The following TERF1 variants were observed in gnomAD, a reference collection of about 807,000 sequenced individuals.
The protein encoded by TERF1 is telomeric repeat binding factor 1.
In TERF1, 20 loss-of-function variants were observed where a neutral mutation model predicts 55.1. The ratio of observed to expected loss-of-function variants is 0.36; its 90% CI spans 0.26 to 0.53. TERF1 has a LOEUF of 0.53. Ranked by LOEUF, TERF1 falls within the 20% of genes least tolerant of loss-of-function variation. TERF1 has a pLI of 0.91. For missense variants in TERF1, 439 were observed against 535.7 expected (o/e 0.82, Z 1.78); for synonymous variants, 168 against 181.2 (o/e 0.93, Z 0.59).
At chr8:73,033,598 G>A (rs1348900246) in intron 8 of TERF1, among the ~76,000 whole-genome samples, 1 of 152,126 alleles carries the variant, frequency 6.6e-6, no homozygotes, top group Non-Finnish European at 1.5e-5. Context: ...GCCAGGCATG[G>A]TGGTGCCTGC....
At chr8:73,037,238 ATATAAT>A (rs1474272611) in intron 8 of TERF1, among the ~76,000 whole-genome samples, 1 of 136,792 alleles carries the variant, frequency 7.3e-6, no homozygotes, top group African/African-American at 2.7e-5. Flanking sequence ...AATAATTTAT[ATATAAT>A]TATAAAGCTT....
intron 2 of TERF1, among the ~76,000 whole-genome samples, chr8:73,014,719 C>A (rs750207111): frequency 6.6e-6 from 1 of 152,188 alleles, no homozygotes; most frequent in African/African-American, 2.4e-5. Flanking sequence ...CATAAAACTG[C>A]TTGCTTATTG....
chr8:73,039,267 A>G (rs1424080718), intron 9 of TERF1, 48 bp downstream of exon 9: 5 of 1,273,482 alleles, frequency 3.9e-6, no homozygotes, highest in Admixed American at 5.0e-5. Context: ...CATTAAAGTT[A>G]TAACTTGAAT....
chr8:73,034,201 G>A (rs1008666592), intron 8 of TERF1, among the ~76,000 whole-genome samples: 8 of 152,062 alleles, frequency 5.3e-5, no homozygotes, highest in Non-Finnish European at 1.0e-4. Flanking sequence ...GATCAATCTC[G>A]GCTCACTGCA....
chr8:73,042,118 A>T (rs965821749), intron 9 of TERF1, among the ~76,000 whole-genome samples: 7 of 152,108 alleles, frequency 4.6e-5, no homozygotes, highest in Non-Finnish European at 1.0e-4. Context: ...GACTGTAGTG[A>T]TGATTTCCAA....
intron 9 of TERF1, 44 bp from the exon 10 acceptor site, chr8:73,045,917 G>T: frequency 5.0e-6 from 7 of 1,407,378 alleles, no homozygotes; most frequent in East Asian, 2.6e-5. Context: ...TTTTCTTTTT[G>T]AATAATTGTT....
intron 9 of TERF1, among the ~76,000 whole-genome samples, chr8:73,041,493 T>C (rs1167947879): frequency 1.3e-5 from 2 of 152,136 alleles, no homozygotes; most frequent in Non-Finnish European, 2.9e-5. Context: ...GGCTGTGACC[T>C]TCATAAGTGC....
At chr8:73,020,401 C>G (rs1477120961) in intron 2 of TERF1, among the ~76,000 whole-genome samples, 1 of 152,114 alleles carries the variant, frequency 6.6e-6, no homozygotes, top group East Asian at 1.9e-4. Context: ...AATTCTGTTG[C>G]TATGACATGT....
Position 73,032,131 on chromosome 8 carries a change from AAAGT to A in TERF1, c.1038_1039+2del. 3 of 1,607,126 alleles carry A rather than the reference AAAGT, an allele frequency of 1.9e-6. No individual in the cohort carries two copies. Among genetic ancestry groups the A allele is most frequent in the Non-Finnish European group, 2.6e-6 (3 of 1,175,962 alleles). Reference sequence around the variant, plus strand: ...AAAGAAAGAAGAGTAGGAACTCCTCAAAGTGAGTACTGTTATAACAGTTTTAGAA... The same window carrying A: ...AAAGAAAGAAGAGTAGGAACTCCTCAGAGTACTGTTATAACAGTTTTAGAA... On this transcript the variant is annotated splice_donor_variant and coding_sequence_variant, in exon 8 of 10. Transcript: ENST00000276603. LOFTEE classifies it high-confidence loss of function.
intron 8 of TERF1, among the ~76,000 whole-genome samples, chr8:73,037,417 A>AT (rs1159335696): frequency 1.7e-5 from 2 of 114,638 alleles, no homozygotes; most frequent in Non-Finnish European, 3.4e-5. Context: ...ATACATATAA[A>AT]TTTTTATATA....
chr8:73,014,057 G>GA, intron 2 of TERF1, 67 bp downstream of exon 2: 1 of 1,357,228 alleles, frequency 7.4e-7, no homozygotes, highest in Non-Finnish European at 1.0e-6. Flanking sequence ...ACAATGGGAA[G>GA]AAACAGACGT....
chr8:73,037,701 AT>A (rs1809616077), intron 8 of TERF1, among the ~76,000 whole-genome samples: 1 of 15,704 alleles, frequency 6.4e-5, no homozygotes, highest in Non-Finnish European at 1.8e-4. Context: ...ATATAGTATA[AT>A]ATTATATTAT....
At chr8:73,037,864 GATATATAATATATATAA>G (rs1809658730) in intron 8 of TERF1, among the ~76,000 whole-genome samples, 1 of 96,434 alleles carries the variant, frequency 1.0e-5, no homozygotes. Context: ...ATATAAATAT[GATATATAATATATATAA>G]ATATGATATA....
intron 2 of TERF1, among the ~76,000 whole-genome samples, chr8:73,015,657 G>A (rs538843977): frequency 2.0e-5 from 3 of 151,088 alleles, no homozygotes; most frequent in Admixed American, 6.6e-5. Context: ...CTAACGTGGT[G>A]AAACCCCGTC....
In TERF1 at chr8:73,031,588, C is replaced by G. The variant is rs144566421; in HGVS notation, c.948-454C>G. 1,198 of 152,388 alleles carry G rather than the reference C, an allele frequency of 7.9e-3. 8 individuals are homozygous for G. Among genetic ancestry groups the G allele is most frequent in the Non-Finnish European group, 0.011 (725 of 68,138 alleles). 9.4% of individuals were successfully genotyped at this position (152,388 alleles called of 1,614,324 possible). On this transcript the variant is annotated intron_variant, in intron 7 of 9. Transcript: ENST00000276603. ...TGCCACATCCTGTGTTTCCAAACAG[C>G]CTTACCTTTCAAAACTCTTTTTGGA...
In TERF1 at chr8:73,013,949, T is replaced by C. The variant is rs1486407144; in HGVS notation, c.374T>C (p.Ile125Thr). The C allele has an allele frequency of 6.2e-7, 1 of 1,611,430 alleles. No individual in the cohort carries two copies. Among genetic ancestry groups the C allele is most frequent in the South Asian group, 1.1e-5 (1 of 90,808 alleles). ...GCTTGCCAGTTGAGAACGATATACA[T>C]ATGTCAGTTTTTGACAAGAATTGCA... ...LTACQLRTIY[I>T]CQFLTRIAAG... is the part of the protein sequence containing the mutation. Residue 125 changes from isoleucine to threonine, a missense_variant, in exon 2 of 10, where the codon ATA becomes ACA. Ile to Thr is a moderately conservative substitution (Grantham distance 89). Around this residue, in one of 4 missense-constraint regions of TERF1, gnomAD observed 95 missense variants for 167.2 expected, o/e 0.57. Transcript: ENST00000276603.
intron 8 of TERF1, among the ~76,000 whole-genome samples, chr8:73,037,841 TA>T (rs1809653433): frequency 9.3e-6 from 1 of 108,028 alleles, no homozygotes; most frequent in Non-Finnish European, 1.7e-5. Context: ...TAATAATATA[TA>T]TAATATATAA....
intron 1 of TERF1, chr8:73,010,789 C>CT (rs1248583727): frequency 2.0e-5 from 3 of 152,130 alleles, no homozygotes. Flanking sequence ...ACTTGTAAGG[C>CT]TGGGACAGGG....
intron 1 of TERF1, chr8:73,013,002 A>G (rs1387139973): frequency 4.4e-6 from 2 of 452,456 alleles, no homozygotes; most frequent in Non-Finnish European, 4.5e-6. Context: ...GTTAAATTCT[A>G]TTATGACTGT....
Sources: allele counts gnomAD v4.1 joint callset (sites outside exome capture counted in the v4.1 genomes callset), GRCh38; gene constraint gnomAD v4.1.1; regional missense constraint gnomAD v4.1.1; transcripts MANE v1.5; gene names NCBI Gene and HGNC (gene_info 2026-07-23, HGNC 2026-07-21).